NFX1: variants seen among roughly 807,000 people sequenced by gnomAD.
The protein encoded by NFX1 is transcriptional repressor NF-X1.
In NFX1, 69 loss-of-function variants were observed where a neutral mutation model predicts 137.2. That is an observed-to-expected ratio of 0.50 (90% CI 0.41 to 0.61). NFX1 has a LOEUF of 0.61. Among genes scored for constraint, NFX1 ranks in the 20% least tolerant of loss-of-function variants. NFX1 has a pLI of 0.00. For missense variants in NFX1, 1,167 were observed against 1,391.0 expected (o/e 0.84, Z 2.56); for synonymous variants, 495 against 474.1 (o/e 1.04, Z -0.57).
intron 19 of NFX1, among the ~76,000 whole-genome samples, chr9:33,359,607 A>G (rs1300438023): frequency 6.6e-6 from 1 of 152,224 alleles, no homozygotes; most frequent in Non-Finnish European, 1.5e-5. Flanking sequence ...TCACCAAAAA[A>G]AAAAAATAGA....
rs2118537253 is a variant in NFX1, at chr9:33,337,547, T to C, written c.2036-963T>C. On this transcript the variant is annotated intron_variant, in intron 11 of 23. Coordinates refer to ENST00000379540, the MANE Select transcript of NFX1 (RefSeq NM_002504.6). ...TGCTATTTTTTTTATTTTTTGAGTT[T>C]TAAAGGTGAAAATTGATATTTTAAT... 2.0e-5 allele frequency among the ~76,000 whole-genome samples: 3 copies of C among 152,246 alleles called. No individual in the cohort carries two copies. In the Middle Eastern group the frequency reaches 0.01, roughly 518 times the overall value.
intron 14 of NFX1, 62 bp downstream of exon 14, chr9:33,344,250 G>A (rs1028680958): frequency 1.2e-6 from 2 of 1,606,954 alleles, no homozygotes; most frequent in Admixed American, 3.3e-5. Flanking sequence ...GGATCCTGCT[G>A]TGTTACTGTC....
intron 9 of NFX1, among the ~76,000 whole-genome samples, chr9:33,327,190 G>T (rs374686901): frequency 6.6e-6 from 1 of 152,072 alleles, no homozygotes; most frequent in African/African-American, 2.4e-5. Flanking sequence ...TTTGAGTTTT[G>T]ATTTATTTAT....
At chr9:33,333,252 A>C (rs572779356) in intron 11 of NFX1, among the ~76,000 whole-genome samples, 6 of 152,376 alleles carry the variant, frequency 3.9e-5, no homozygotes, top group African/African-American at 1.4e-4. Context: ...GTCTTACTGT[A>C]GTCAGAAAGA....
chr9:33,342,092 G>A (rs1293533940), intron 12 of NFX1, among the ~76,000 whole-genome samples: 4 of 151,262 alleles, frequency 2.6e-5, no homozygotes, highest in African/African-American at 9.7e-5. Context: ...CTCCAGCCTG[G>A]GCAACAGAGT....
rs377392856 is a variant in NFX1, at chr9:33,331,518, G to C, written c.2005-954G>C. 1.1e-4 allele frequency among the ~76,000 whole-genome samples: 17 copies of C among 152,286 alleles called. No homozygotes were observed. In the South Asian group the frequency reaches 3.3e-3, roughly 30 times the overall value. On this transcript the variant is annotated intron_variant, in intron 10 of 23. Transcript: ENST00000379540. Reference sequence around the variant, plus strand: ...CATATAATCCAGTGTTCACTGATGGGAGCATTAACTCAGTTTCATGAGTCA... The same window carrying C: ...CATATAATCCAGTGTTCACTGATGGCAGCATTAACTCAGTTTCATGAGTCA...
intron 4 of NFX1, among the ~76,000 whole-genome samples, chr9:33,305,643 C>A (rs1342372321): frequency 6.6e-6 from 1 of 152,156 alleles, no homozygotes; most frequent in African/African-American, 2.4e-5. Flanking sequence ...GTACAAGCCT[C>A]TAAGGAGTGT....
intron 11 of NFX1, among the ~76,000 whole-genome samples, chr9:33,333,255 C>T (rs754367696): frequency 6.6e-5 from 10 of 152,140 alleles, no homozygotes; most frequent in Non-Finnish European, 1.3e-4. Flanking sequence ...TTACTGTAGT[C>T]AGAAAGAAAG....
At chr9:33,318,870 C>T in intron 8 of NFX1, 40 bp downstream of exon 8, 1 of 1,613,700 alleles carries the variant, frequency 6.2e-7, no homozygotes, top group Non-Finnish European at 8.5e-7. Flanking sequence ...TAAAGCTGCA[C>T]TTTATGCAAC....
intron 1 of NFX1, among the ~76,000 whole-genome samples, chr9:33,293,959 C>T (rs1324538864): frequency 6.6e-6 from 1 of 152,224 alleles, no homozygotes; most frequent in African/African-American, 2.4e-5. Context: ...CACGTGATAT[C>T]CCTAAGTTCA....
In NFX1 at chr9:33,369,546, G is replaced by A. The variant is rs533722825; in HGVS notation, c.3291-360G>A. ...TCAAAACTTCACAAGTGAGATGCTC[G>A]CTTGGCTTAAGCTGTTAACTGAGCA... is the stretch of plus-strand genomic sequence containing the variant. On this transcript the variant is annotated intron_variant, in intron 23 of 23. Transcript: ENST00000379540. 3.3e-5 allele frequency among the ~76,000 whole-genome samples: 5 copies of A among 152,262 alleles called. No individual in the cohort carries two copies. In the East Asian group the frequency reaches 5.8e-4, roughly 18 times the overall value.
intron 10 of NFX1, among the ~76,000 whole-genome samples, chr9:33,328,891 G>C (rs967424154): frequency 2.6e-5 from 4 of 152,166 alleles, no homozygotes; most frequent in African/African-American, 9.7e-5. Context: ...CAGTAGCACT[G>C]TTGCAAGGAG....
intron 3 of NFX1, 149 bp downstream of exon 3, chr9:33,301,570 A>AT: frequency 1.4e-6 from 1 of 703,100 alleles, no homozygotes; most frequent in Non-Finnish European, 2.2e-6. Context: ...GTTTCATATG[A>AT]CCAGAATTAA....
intron 2 of NFX1, among the ~76,000 whole-genome samples, chr9:33,296,997 C>A (rs1386431517): frequency 1.3e-5 from 2 of 152,170 alleles, no homozygotes; most frequent in Admixed American, 1.3e-4. Context: ...GTACTCAGTT[C>A]TGACCATTAA....
At chr9:33,367,722 C>A in intron 23 of NFX1, 103 bp downstream of exon 23, 1 of 1,085,754 alleles carries the variant, frequency 9.2e-7, no homozygotes, top group Non-Finnish European at 1.4e-6. Context: ...CCTCCTCAGG[C>A]CTGGCCTTGG....
intron 5 of NFX1, among the ~76,000 whole-genome samples, chr9:33,310,606 C>T (rs1394618871): frequency 6.6e-6 from 1 of 152,112 alleles, no homozygotes; most frequent in Non-Finnish European, 1.5e-5. Flanking sequence ...CTCATGTCAG[C>T]CTTCTTTTCA....
At chr9:33,327,783 A>G (rs1054190164) in intron 9 of NFX1, among the ~76,000 whole-genome samples, 1 of 152,206 alleles carries the variant, frequency 6.6e-6, no homozygotes, top group Non-Finnish European at 1.5e-5. Context: ...GGTCCTGGAA[A>G]CAGGACTTGT....
chr9:33,293,849 T>G (rs1305462825), intron 1 of NFX1, among the ~76,000 whole-genome samples: 3 of 152,234 alleles, frequency 2.0e-5, no homozygotes, highest in Non-Finnish European at 4.4e-5. Context: ...ATACACTTAT[T>G]AAGTACTATC....
At chr9:33,357,361 C>A (rs1268227063) in intron 19 of NFX1, among the ~76,000 whole-genome samples, 1 of 151,930 alleles carries the variant, frequency 6.6e-6, no homozygotes, top group Non-Finnish European at 1.5e-5. Context: ...GAGTCTGTTT[C>A]TGAGCTCATC....
Sources: gnomAD v4.1 joint callset for allele counts (sites outside exome capture counted in the v4.1 genomes callset) on GRCh38, gnomAD v4.1.1 for gene constraint, MANE v1.5 for transcripts, NCBI Gene and HGNC (gene_info 2026-07-23, HGNC 2026-07-21) for gene names.